The following GRID2 variants were observed in gnomAD, a reference collection of about 807,000 sequenced individuals.
GRID2 encodes the protein glutamate receptor ionotropic, delta-2.
GRID2 carries 33 observed loss-of-function variants against 114.8 expected under a neutral mutation model. The observed-to-expected ratio is 0.29, with a 90% CI of 0.22 to 0.38. GRID2 has a LOEUF of 0.38. GRID2 is among the 10% of genes least tolerant of loss of function. The pLI, the probability that GRID2 is intolerant of heterozygous loss-of-function variation, is 1.00. For missense variants in GRID2, 1,184 were observed against 1,257.7 expected, an observed-to-expected ratio of 0.94 and a Z score of 0.89; for synonymous variants, 505 against 449.9, an observed-to-expected ratio of 1.12 and a Z score of -1.55.
intron 4 of GRID2, among the ~76,000 whole-genome samples, chr4:93,206,629 C>T (rs997220744): frequency 7.8e-4 from 118 of 151,404 alleles, no homozygotes; most frequent in African/African-American, 2.9e-3. Flanking sequence ...CACACACACA[C>T]GCATGCACAC....
intron 1 of GRID2, among the ~76,000 whole-genome samples, chr4:92,473,736 T>G (rs888026576): frequency 8.5e-5 from 13 of 152,078 alleles, no homozygotes; most frequent in Admixed American, 3.9e-4. Context: ...TGGATGATAG[T>G]GTTGTTCAAG....
intron 2 of GRID2, among the ~76,000 whole-genome samples, chr4:92,608,161 G>C (rs926306515): frequency 6.6e-6 from 1 of 151,760 alleles, no homozygotes; most frequent in Non-Finnish European, 1.5e-5. Context: ...CATGCTGCAA[G>C]GACAGAAACA....
rs544505576 is a variant in GRID2, at chr4:93,138,918, C to T, written c.735+27965C>T. Among the ~76,000 whole-genome samples the T allele has an allele frequency of 1.2e-4, 18 of 152,316 alleles. No homozygotes were observed. The East Asian group carries it at 3.3e-3, about 28-fold the overall frequency. ...TATCATCTTTATGGTCATCTCCGTA[C>T]TCCTCAGAGTGGCATACAAGTCCTT... On this transcript the variant is annotated intron_variant, in intron 4 of 15. Transcript: ENST00000282020.
intron 1 of GRID2, among the ~76,000 whole-genome samples, chr4:92,338,829 T>C (rs1727326084): frequency 6.6e-6 from 1 of 152,150 alleles, no homozygotes; most frequent in Non-Finnish European, 1.5e-5. Flanking sequence ...TCTTGACTCC[T>C]AAAACATAAA....
intron 13 of GRID2, among the ~76,000 whole-genome samples, chr4:93,617,407 A>G (rs1394973954): frequency 6.6e-6 from 1 of 152,198 alleles, no homozygotes; most frequent in Non-Finnish European, 1.5e-5. Context: ...TCCCTGTCTT[A>G]TTCCAAACTA....
intron 11 of GRID2, among the ~76,000 whole-genome samples, chr4:93,486,702 AC>A (rs1444919703): frequency 2.0e-5 from 3 of 151,586 alleles, no homozygotes; most frequent in Non-Finnish European, 3.0e-5. Context: ...CCTATAATAA[AC>A]CCTATCTGTT....
At chr4:92,521,810 TC>T (rs1320779089) in intron 1 of GRID2, among the ~76,000 whole-genome samples, 1 of 152,002 alleles carries the variant, frequency 6.6e-6, no homozygotes, top group Non-Finnish European at 1.5e-5. Flanking sequence ...AATGGCTTAG[TC>T]TCCTGGAAAG....
intron 8 of GRID2, among the ~76,000 whole-genome samples, chr4:93,285,313 T>TA (rs1482499834): frequency 1.3e-5 from 2 of 152,256 alleles, no homozygotes; most frequent in African/African-American, 4.8e-5. Context: ...TATGCCCTGA[T>TA]ACTTCTGCTT....
chr4:93,809,808 A>G (rs1735097125), exon 2 of GRID2: 2 of 152,222 alleles, frequency 1.3e-5, no homozygotes, highest in Admixed American at 1.3e-4. Flanking sequence ...TTAAAAGTTA[A>G]TTTTAATACC....
chr4:92,904,580 A>G (rs1036936034), intron 2 of GRID2, among the ~76,000 whole-genome samples: 42 of 152,024 alleles, frequency 2.8e-4, no homozygotes, highest in African/African-American at 9.6e-4. Context: ...AAGTCGATGT[A>G]AAAGTATGCA....
intron 1 of GRID2, among the ~76,000 whole-genome samples, chr4:92,351,048 A>G (rs1728044486): frequency 6.6e-6 from 1 of 151,924 alleles, no homozygotes; most frequent in Admixed American, 6.6e-5. Flanking sequence ...TCATATGGAT[A>G]TACCACATAT....
chr4:92,336,552 T>C (rs1219346234), intron 1 of GRID2, among the ~76,000 whole-genome samples: 2 of 152,194 alleles, frequency 1.3e-5, no homozygotes, highest in Non-Finnish European at 2.9e-5. Flanking sequence ...AACTTGCATA[T>C]TGGTGTCCAC....
intron 4 of GRID2, 108 bp from the exon 5 acceptor site, chr4:93,207,296 C>CA: frequency 1.2e-6 from 1 of 803,750 alleles, no homozygotes; most frequent in South Asian, 1.4e-5. Context: ...TAACAAAGAC[C>CA]TTTCTAACAT....
At chr4:92,379,820 G>A (rs1729527365) in intron 1 of GRID2, among the ~76,000 whole-genome samples, 1 of 151,900 alleles carries the variant, frequency 6.6e-6, no homozygotes, top group Non-Finnish European at 1.5e-5. Flanking sequence ...TATTTTAATA[G>A]CCTTACAGAT....
At chr4:93,723,178 GAT>G (rs1255882921) in intron 14 of GRID2, among the ~76,000 whole-genome samples, 14 of 152,146 alleles carry the variant, frequency 9.2e-5, no homozygotes, top group African/African-American at 2.2e-4. Context: ...ACCTGTTGCT[GAT>G]AGAACTTCAT....
intron 8 of GRID2, among the ~76,000 whole-genome samples, chr4:93,352,232 A>T (rs1203837346): frequency 6.6e-6 from 1 of 152,016 alleles, no homozygotes; most frequent in Non-Finnish European, 1.5e-5. Flanking sequence ...CATTGTTGTG[A>T]ACTTTAAAAT....
At chr4:93,295,031 A>G (rs1285364861) in intron 8 of GRID2, among the ~76,000 whole-genome samples, 1 of 152,240 alleles carries the variant, frequency 6.6e-6, no homozygotes, top group Admixed American at 6.5e-5. Context: ...TTACTAAGAA[A>G]GGGAAGACTG....
At chr4:92,838,149 T>G (rs1265070945) in intron 2 of GRID2, among the ~76,000 whole-genome samples, 1 of 152,040 alleles carries the variant, frequency 6.6e-6, no homozygotes, top group Non-Finnish European at 1.5e-5. Flanking sequence ...CACAGCAGGA[T>G]TAGAAAGTAA....
At chr4:92,806,941 C>T (rs1003751670) in intron 2 of GRID2, among the ~76,000 whole-genome samples, 5 of 151,834 alleles carry the variant, frequency 3.3e-5, no homozygotes, top group African/African-American at 4.8e-5. Flanking sequence ...GCAGCTATGA[C>T]ATATGTTGTG....
Sources: allele counts gnomAD v4.1 joint callset (sites outside exome capture counted in the v4.1 genomes callset), GRCh38; gene constraint gnomAD v4.1.1; transcripts MANE v1.5; gene names NCBI Gene and HGNC (gene_info 2026-07-23, HGNC 2026-07-21).